Variants in FAM178B observed in about 807,000 individuals in gnomAD.
The protein encoded by FAM178B is protein FAM178B.
FAM178B carries 82 observed loss-of-function variants against 91.7 expected under a neutral mutation model. The ratio of observed to expected loss-of-function variants is 0.89; its 90% confidence interval spans 0.75 to 1.07. The LOEUF is 1.07. Among genes scored for constraint, FAM178B ranks in the 50% least tolerant of loss-of-function variants. The probability of loss-of-function intolerance (pLI) is 0.00; values close to 1 mark genes in which losing one functional copy is unlikely to be tolerated. For synonymous variants in FAM178B, 368 were observed against 359.4 expected (o/e 1.02, Z -0.27); for missense variants, 769 against 846.7 (o/e 0.91, Z 1.14).
intron 12 of FAM178B, among the ~76,000 whole-genome samples, chr2:96,918,988 T>C (rs1226691119): frequency 6.6e-6 from 1 of 152,192 alleles, no homozygotes; most frequent in Non-Finnish European, 1.5e-5. Context: ...GCGGGCTCTC[T>C]TAGAGTTGTA....
At position 96,931,856 on chromosome 2, in the gene FAM178B, G is replaced by T. The variant is rs1446627773; in HGVS notation, c.1079-2536C>A. Among the ~76,000 whole-genome samples the T allele has an allele frequency of 8.5e-3, 1,201 of 141,808 alleles. 17 individuals are homozygous for T. The highest frequency in any genetic ancestry group is 7.2e-3 in the Non-Finnish European group (463 of 64,608). The allele number at this position is 141,808 out of a possible 152,430, so 93.0% of individuals were successfully genotyped here. On this transcript the variant is annotated intron_variant, in intron 8 of 16. Coordinates refer to ENST00000490605, the MANE Select transcript of FAM178B (RefSeq NM_001122646.3). ...GGAGGAAAAACTTTCTTGTTTGTTT[G>T]TTTTTTTTTTTTTTCCTCTCTTGGG... is the stretch of plus-strand genomic sequence containing the variant.
intron 12 of FAM178B, among the ~76,000 whole-genome samples, chr2:96,907,021 C>T (rs1385836118): frequency 6.6e-6 from 1 of 152,120 alleles, no homozygotes; most frequent in Non-Finnish European, 1.5e-5. Context: ...AGGGGTGGTT[C>T]CAGAAGGGAA....
Position 96,926,966 on chromosome 2 carries a change from T to C in FAM178B, c.1193+2240A>G, listed in dbSNP as rs72942949. 8.8e-3 allele frequency among the ~76,000 whole-genome samples: 1,345 copies of C among 152,274 alleles called. 18 individuals carry two copies. The highest frequency in any genetic ancestry group is 0.03 in the African/African-American group (1,263 of 41,562). On this transcript the variant is annotated intron_variant, in intron 9 of 16. Transcript: ENST00000490605. ...CCGTTCCCCTGGATGGAGGCATCCC[T>C]GGAAGTCAGCAGAAAAAAGATGCCT...
chr2:96,913,996 G>C (rs1249499644), intron 12 of FAM178B, among the ~76,000 whole-genome samples: 1 of 152,234 alleles, frequency 6.6e-6, no homozygotes, highest in African/African-American at 2.4e-5. Context: ...TCCATCACAG[G>C]AAGAGATCAG....
intron 6 of FAM178B, among the ~76,000 whole-genome samples, chr2:96,954,659 T>C (rs968476716): frequency 2.0e-5 from 3 of 152,260 alleles, no homozygotes; most frequent in Non-Finnish European, 4.4e-5. Context: ...CTTTGCCAAG[T>C]TACTCAAATC....
intron 14 of FAM178B, among the ~76,000 whole-genome samples, chr2:96,888,814 G>A (rs1055660806): frequency 5.3e-5 from 8 of 152,230 alleles, no homozygotes; most frequent in African/African-American, 1.9e-4. Context: ...CTCAGAATGA[G>A]CATGAACGCA....
At chr2:96,913,198 G>C (rs562106035) in intron 12 of FAM178B, among the ~76,000 whole-genome samples, 4 of 152,206 alleles carry the variant, frequency 2.6e-5, no homozygotes, top group Non-Finnish European at 4.4e-5. Context: ...AGAGCACTGC[G>C]TTTGTCTAGT....
intron 14 of FAM178B, among the ~76,000 whole-genome samples, chr2:96,878,938 G>C (rs2080312768): frequency 6.6e-6 from 1 of 152,206 alleles, no homozygotes; most frequent in South Asian, 2.1e-4. Flanking sequence ...CGAGGAGGCA[G>C]ATGGAGAGAT....
At chr2:96,963,899 C>T (rs991199281) in intron 5 of FAM178B, among the ~76,000 whole-genome samples, 24 of 152,208 alleles carry the variant, frequency 1.6e-4, no homozygotes, top group African/African-American at 4.8e-4. Flanking sequence ...AGGCTGGGCA[C>T]GGTGGCTCAC....
intron 14 of FAM178B, among the ~76,000 whole-genome samples, chr2:96,886,350 C>T (rs942890459): frequency 3.3e-5 from 5 of 152,194 alleles, no homozygotes; most frequent in Admixed American, 6.5e-5. Flanking sequence ...GCCAATGAGA[C>T]GCCATTCTGG....
chr2:96,891,316 C>A (rs1489958828), intron 14 of FAM178B, among the ~76,000 whole-genome samples: 1 of 152,196 alleles, frequency 6.6e-6, no homozygotes, highest in Non-Finnish European at 1.5e-5. Flanking sequence ...GAGCCTCCTG[C>A]AGGAGAAGGC....
Position 96,986,575 on chromosome 2 carries a change from A to G in FAM178B, c.-262T>C. On this transcript the variant is annotated 5_prime_UTR_variant, in exon 1 of 17. Coordinates refer to ENST00000490605, the MANE Select transcript of FAM178B (RefSeq NM_001122646.3). ...CCGCCAGCTGGGGAGCTCGCCGGCC[A>G]AGTGCGCACCCTCTTCCTGTTAGCC... The G allele has an allele frequency of 6.2e-6, 3 of 485,438 alleles. No homozygotes were observed. Among genetic ancestry groups the G allele is most frequent in the South Asian group, 4.3e-5 (2 of 46,164 alleles). The allele number at this position is 485,438 out of a possible 1,614,324, so 30.1% of individuals were successfully genotyped here. A position where few individuals can be genotyped will look rare whatever the true frequency, so the allele number is the denominator to read the frequency against.
intron 10 of FAM178B, among the ~76,000 whole-genome samples, chr2:96,923,212 A>G (rs1304803459): frequency 6.6e-6 from 1 of 151,836 alleles, no homozygotes; most frequent in Non-Finnish European, 1.5e-5. Context: ...ACCTCAAATG[A>G]TCCACCTGCC....
chr2:96,977,088 G>A (rs1488936602), intron 1 of FAM178B, among the ~76,000 whole-genome samples: 1 of 147,820 alleles, frequency 6.8e-6, no homozygotes, highest in Non-Finnish European at 1.5e-5. Flanking sequence ...CCAGCTACTC[G>A]GGACGCTGAA....
chr2:96,960,388 G>C lies in FAM178B; in HGVS notation c.787C>G (p.Pro263Ala). ...VSLQTIPPVH[P>A]GETVFLPRCH... is the part of the protein sequence containing the mutation. ...CTGGGCAGAAACACAGTCTCACCTGGATGGACCGGCGGGATGGTCTGCAGG... is the reference window on the plus strand; with the variant it reads ...CTGGGCAGAAACACAGTCTCACCTGCATGGACCGGCGGGATGGTCTGCAGG... The change falls in exon 6 of 17, where the codon CCA becomes GCA. Residue 263 changes from proline to alanine, a missense_variant. Transcript: ENST00000490605. The C allele has an allele frequency of 2.6e-6, 4 of 1,551,894 alleles. No individual in the cohort carries two copies. The highest frequency in any genetic ancestry group is 1.7e-4 in the Middle Eastern group (1 of 5,988).
intron 12 of FAM178B, among the ~76,000 whole-genome samples, chr2:96,903,034 A>AT (rs140006341): frequency 0.19 from 28,476 of 151,114 alleles, 3,375 homozygotes; most frequent in African/African-American, 0.34. Context: ...TGAACTGCTT[A>AT]TTTTATTTTA....
chr2:96,876,899 G>C (rs1459868218), intron 16 of FAM178B, among the ~76,000 whole-genome samples: 1 of 152,168 alleles, frequency 6.6e-6, no homozygotes, highest in Non-Finnish European at 1.5e-5. Context: ...GAGGGCACCA[G>C]CACAGGGGCT....
chr2:96,886,117 G>A (rs570274761), intron 14 of FAM178B, among the ~76,000 whole-genome samples: 7 of 152,306 alleles, frequency 4.6e-5, no homozygotes, highest in Middle Eastern at 3.4e-3. Context: ...GCCACTGCCC[G>A]TGACTGAACC....
intron 8 of FAM178B, among the ~76,000 whole-genome samples, chr2:96,941,649 G>T (rs1312321232): frequency 2.6e-5 from 4 of 152,186 alleles, no homozygotes; most frequent in African/African-American, 9.7e-5. Context: ...AATATCCAAA[G>T]AATGTACTGG....
Sources: gnomAD v4.1 joint callset for allele counts (sites outside exome capture counted in the v4.1 genomes callset) on GRCh38, gnomAD v4.1.1 for gene constraint, MANE v1.5 for transcripts, NCBI Gene and HGNC (gene_info 2026-07-23, HGNC 2026-07-21) for gene names.